KMT2D: variants seen among roughly 807,000 people sequenced by gnomAD.
The protein encoded by KMT2D is histone-lysine N-methyltransferase 2D.
In KMT2D, 55 loss-of-function variants were observed where a neutral mutation model predicts 512.7. That is an observed-to-expected ratio of 0.11 (90% CI 0.09 to 0.13). The LOEUF is 0.13. KMT2D is among the 10% of genes least tolerant of loss of function. The pLI, the probability that KMT2D is intolerant of heterozygous loss-of-function variation, is 1.00. For missense variants in KMT2D, 6,061 were observed against 7,127.9 expected (o/e 0.85, Z 5.39); for synonymous variants, 2,995 against 2,904.0 (o/e 1.03, Z -1.01).
chr12:49,046,024 C>A lies in KMT2D; in HGVS notation c.4693+41G>T. 6.2e-7 allele frequency: 1 copy of A among 1,612,442 alleles called. No homozygotes were observed. ...AGGTCCTGTCCCAAAGCAAGGTACC[C>A]CTGCTCTGACTCCTCCCCCTACCCA... On this transcript the variant is annotated intron_variant, in intron 18 of 54. Transcript: ENST00000301067. This position sits in a 1 kb window ranked among gnomAD's most constrained non-coding sequence, Gnocchi z 4.2.
chr12:49,039,846 C>T lies in KMT2D; in HGVS notation c.7924G>A (p.Val2642Ile), dbSNP rs2120518000. The T allele has an allele frequency of 1.9e-6, 3 of 1,614,050 alleles. No individual in the cohort carries two copies. The highest frequency in any genetic ancestry group is 2.5e-6 in the Non-Finnish European group (3 of 1,179,896). The change falls in exon 32 of 55, where the codon GTC (valine) becomes ATC (isoleucine). Residue 2642 changes from valine to isoleucine, a missense_variant. Physicochemically the swap from Val to Ile is conservative, Grantham distance 29. Coordinates refer to ENST00000301067, the MANE Select transcript of KMT2D (RefSeq NM_003482.4). The surrounding 1 kb of genome is among the most constrained non-coding windows in gnomAD (Gnocchi z 5.0). ...GTCCCTGGGTCTTCTCGCTTTTCGA[C>T]AGGAGAGGTGATGCCTGATCGCTGT... ...ASQRSGITSP[V>I]EKREDPGTGM... is the part of the protein sequence containing the mutation.
In KMT2D at chr12:49,033,761, C is replaced by G. The variant is rs375785266; in HGVS notation, c.10944G>C (p.Pro3648=). 4.3e-6 allele frequency: 7 copies of G among 1,611,604 alleles called. No individual in the cohort carries two copies. The highest frequency in any genetic ancestry group is 5.9e-6 in the Non-Finnish European group (7 of 1,179,102). ...GHGLQPPQGP[P]GGQAGGLRLT... ...GGCGAAGACCTCCGGCTTGCCCACC[C>G]GGAGGCCCCTGTGGTGGCTGCAGCC... Residue 3648 remains proline, a synonymous_variant, in exon 40 of 55, where the codon CCG becomes CCC. Coordinates refer to ENST00000301067, the MANE Select transcript of KMT2D (RefSeq NM_003482.4).
In KMT2D at chr12:49,024,978, G is replaced by C. The variant is rs1230179022; in HGVS notation, c.15785-32C>G. 3 of 1,570,134 alleles carry C rather than the reference G, an allele frequency of 1.9e-6. No individual in the cohort carries two copies. Among genetic ancestry groups the C allele is most frequent in the Non-Finnish European group, 2.6e-6 (3 of 1,157,258 alleles). ...AGCAGGGAAGAGAGCAGTCCTCAGA[G>C]GCAACTTCTGCTCACTGACCTCCAG... On this transcript the variant is annotated intron_variant, in intron 49 of 54. Coordinates refer to ENST00000301067, the MANE Select transcript of KMT2D (RefSeq NM_003482.4). This position sits in a 1 kb window ranked among gnomAD's most constrained non-coding sequence, Gnocchi z 4.5.
rs531141199 is a variant in KMT2D, at chr12:49,019,804, A to C, written c.*1976T>G. ...CAGTTGAGGAAGCAGCTTTAAAAAA[A>C]AAAAATCTCCCTACCCCCAACAATC... On this transcript the variant is annotated 3_prime_UTR_variant, in exon 55 of 55. Transcript: ENST00000301067. 2.2e-5 allele frequency: 5 copies of C among 232,126 alleles called. No homozygotes were observed. Among genetic ancestry groups the C allele is most frequent in the Non-Finnish European group, 4.3e-5 (5 of 117,122 alleles). 14.4% of individuals were successfully genotyped at this position (232,126 alleles called of 1,614,324 possible).
At chr12:49,036,795 T>G (rs1347115292) in intron 35 of KMT2D, among the ~76,000 whole-genome samples, 2 of 152,186 alleles carry the variant, frequency 1.3e-5, no homozygotes, top group African/African-American at 4.8e-5. Context: ...CCATTGTGCC[T>G]GGCCTCAACT....
chr12:49,020,206 T>G lies in KMT2D; in HGVS notation c.*1574A>C, dbSNP rs1192231504. The G allele has an allele frequency of 5.7e-6, 1 of 175,584 alleles. No individual in the cohort carries two copies. The highest frequency in any genetic ancestry group is 1.2e-5 in the Non-Finnish European group (1 of 81,620). The allele number at this position is 175,584 out of a possible 1,614,324, so 10.9% of individuals were successfully genotyped here. A position where few individuals can be genotyped will look rare whatever the true frequency, so the allele number is the denominator to read the frequency against. On this transcript the variant is annotated 3_prime_UTR_variant, in exon 55 of 55. Coordinates refer to ENST00000301067, the MANE Select transcript of KMT2D (RefSeq NM_003482.4). ...GGGGTCAGCTCTCTTTTGTGCGTTATAACATAGTCCAACTATACAACAGGG... is the reference window on the plus strand; with the variant it reads ...GGGGTCAGCTCTCTTTTGTGCGTTAGAACATAGTCCAACTATACAACAGGG...
Position 49,054,896 on chromosome 12 carries a change from C to G in KMT2D, c.176+4G>C. On this transcript the variant is annotated splice_donor_region_variant and intron_variant, in intron 3 of 54. Transcript: ENST00000301067. This position sits in a 1 kb window ranked among gnomAD's most constrained non-coding sequence, Gnocchi z 6.4. The stretch of plus-strand genomic sequence containing the variant: ...AAATCCTCATGTGCCCTCAAACAAG[C>G]TACCTGCAGTCCTGAGGAGTCTCCT... 6.2e-7 allele frequency: 1 copy of G among 1,612,304 alleles called. No individual in the cohort carries two copies. The highest frequency in any genetic ancestry group is 1.1e-5 in the South Asian group (1 of 90,976).
chr12:49,034,818 A>G lies in KMT2D; in HGVS notation c.10349T>C (p.Met3450Thr). ...TTCCAGCCCTGAGTCTTACCTGTTCATACCAGGTGCCACCCCAATGCTGCC... is the reference window on the plus strand; with the variant it reads ...TTCCAGCCCTGAGTCTTACCTGTTCGTACCAGGTGCCACCCCAATGCTGCC... ...AQGSIGVAPGMNRQQVSLLAQ... is the reference protein window; with the variant it reads ...AQGSIGVAPGTNRQQVSLLAQ... Residue 3450 changes from methionine to threonine, a missense_variant, in exon 36 of 55, where the codon ATG becomes ACG. This residue lies in a region of KMT2D where 533 missense variants were observed against 539.6 expected (regional missense o/e 0.99). Coordinates refer to ENST00000301067, the MANE Select transcript of KMT2D (RefSeq NM_003482.4). The G allele has an allele frequency of 6.2e-7, 1 of 1,613,996 alleles. No homozygotes were observed. Among genetic ancestry groups the G allele is most frequent in the East Asian group, 2.2e-5 (1 of 44,884 alleles).
chr12:49,050,810 A>G lies in KMT2D; in HGVS notation c.2798-20T>C, dbSNP rs766545106. 1 of 1,590,282 alleles carries G rather than the reference A, an allele frequency of 6.3e-7. No homozygotes were observed. Among genetic ancestry groups the G allele is most frequent in the Non-Finnish European group, 8.6e-7 (1 of 1,164,890 alleles). On this transcript the variant is annotated intron_variant, in intron 11 of 54. Transcript: ENST00000301067. ...GGGGATCTGGAAGGAAAGAGAAAAA[A>G]GAAGGGCTCTTAGATTAGATGTGCC... is the stretch of plus-strand genomic sequence containing the variant.
rs2120696683 is a variant in KMT2D at position 49,053,499 on chromosome 12, T to C, written c.816A>G (p.Glu272=). The C allele has an allele frequency of 6.2e-7, 1 of 1,609,976 alleles. No homozygotes were observed. The highest frequency in any genetic ancestry group is 8.5e-7 in the Non-Finnish European group (1 of 1,177,992). The part of the protein sequence containing the change: ...ARKRAGWQCP[E]CKVCQACRKP... Reference sequence around the variant, plus strand: ...ACCTGCAGGCTTGGCACACTTTGCATTCAGGGCACTGCCAGCCAGCACGTT... The same window carrying C: ...ACCTGCAGGCTTGGCACACTTTGCACTCAGGGCACTGCCAGCCAGCACGTT... Residue 272 remains glutamate (E), a synonymous_variant, in exon 7 of 55, where the codon GAA becomes GAG. Coordinates refer to ENST00000301067, the MANE Select transcript of KMT2D (RefSeq NM_003482.4).
Position 49,051,026 on chromosome 12 carries a change from G to C in KMT2D, c.2657C>G (p.Pro886Arg), listed in dbSNP as rs587783709. ...CAAGGGAGATAAGGATGGTTCCCCA[G>C]GGGGAGGGAACAAGGGCAGCTCCTC... ...APEELPLFPP[P>R]GEPSLSPLLG... Residue 886 changes from proline to arginine, a missense_variant, in exon 11 of 55, where the codon CCT (proline) becomes CGT (arginine). Physicochemically the swap from Pro to Arg is moderately radical, Grantham distance 103. Transcript: ENST00000301067. 1 of 1,557,658 alleles carries C rather than the reference G, an allele frequency of 6.4e-7. No homozygotes were observed. The highest frequency in any genetic ancestry group is 1.4e-5 in the African/African-American group (1 of 73,064).
rs760670429 is a variant in KMT2D at position 49,053,979 on chromosome 12, C to G, written c.672G>C (p.Leu224=). The G allele has an allele frequency of 1.5e-5, 25 of 1,612,946 alleles. No individual in the cohort carries two copies. The East Asian group carries it at 5.1e-4, about 33-fold the overall frequency. Residue 224 remains leucine (L), a splice_region_variant and synonymous_variant, in exon 6 of 55, where the codon CTG becomes CTC. Transcript: ENST00000301067. ...CPEHSEGAAY[L]EEARCAVCEG... ...TGACCAAAGATCAGGACTTCTCACC[C>G]AGATATGCAGCCCCCTCACTGTGCT... is the stretch of plus-strand genomic sequence containing the variant.
Position 49,022,509 on chromosome 12 carries a change from G to T in KMT2D, c.16338+81C>A, listed in dbSNP as rs2137705652. On this transcript the variant is annotated intron_variant, in intron 52 of 54. Coordinates refer to ENST00000301067, the MANE Select transcript of KMT2D (RefSeq NM_003482.4). The surrounding 1 kb of genome is among the most constrained non-coding windows in gnomAD (Gnocchi z 8.6). ...TTCTCCCCACCACAGCTTTCCTCCT[G>T]CTCTCCTGTGACCAATCCTGCCCTT... The T allele has an allele frequency of 6.5e-7, 1 of 1,550,210 alleles. No individual in the cohort carries two copies. Among genetic ancestry groups the T allele is most frequent in the Non-Finnish European group, 8.8e-7 (1 of 1,135,608 alleles).
In KMT2D at chr12:49,041,095, T is replaced by C. The variant is rs780644840; in HGVS notation, c.6675A>G (p.Glu2225=). ...GGGTGCCAGGTGGGGTAGTGTGGAA[T>C]TCCCCTGGCTGGCCAGCCCCAGGAC... ...SSRPGAGQPG[E]FHTTPPGTPR... The change falls in exon 32 of 55, where the codon GAA becomes GAG. Residue 2225 remains glutamate (E), a synonymous_variant. Transcript: ENST00000301067. This position sits in a 1 kb window ranked among gnomAD's most constrained non-coding sequence, Gnocchi z 5.4. The C allele has an allele frequency of 2.0e-6, 3 of 1,531,870 alleles. No homozygotes were observed. The highest frequency in any genetic ancestry group is 2.3e-5 in the East Asian group (1 of 44,294). The allele number at this position is 1,531,870 out of a possible 1,614,324, so 94.9% of individuals were successfully genotyped here.
At position 49,028,928 on chromosome 12, in the gene KMT2D, A is replaced by T. The variant is rs2120387973; in HGVS notation, c.14282T>A (p.Leu4761His). The T allele has an allele frequency of 6.2e-7, 1 of 1,613,998 alleles. No individual in the cohort carries two copies. The highest frequency in any genetic ancestry group is 8.5e-7 in the Non-Finnish European group (1 of 1,179,880). ...CAGCTTTCCAGGGACCTCCAGGCCA[A>T]GGGCCCCATAAGGTTTGGTATCTGG... Reference protein sequence around the residue: ...VFPDTKPYGALGLEVPGKLPV... With the variant: ...VFPDTKPYGAHGLEVPGKLPV... Residue 4761 changes from leucine to histidine, a missense_variant, in exon 46 of 55, where the codon CTT becomes CAT. Transcript: ENST00000301067.
In KMT2D at chr12:49,042,218, C is replaced by T. The variant is rs750877938; in HGVS notation, c.5980G>A (p.Asp1994Asn). The T allele has an allele frequency of 8.1e-6, 13 of 1,601,430 alleles. No homozygotes were observed. Among genetic ancestry groups the T allele is most frequent in the South Asian group, 1.1e-5 (1 of 88,730 alleles). ...CTCCGCTGGTTATAGGAGAGTCCGT[C>T]GCCCTCACCCTCCGTGGTGGGGGTT... ...PTTPTTEGEG[D>N]GLSYNQRSLQ... Residue 1994 changes from aspartate (D) to asparagine (N), a missense_variant, in exon 29 of 55, where the codon GAC becomes AAC. Physicochemically the swap from Asp to Asn is conservative, Grantham distance 23 (BLOSUM62 1). Transcript: ENST00000301067. This position sits in a 1 kb window ranked among gnomAD's most constrained non-coding sequence, Gnocchi z 4.4.
Position 49,052,151 on chromosome 12 carries a change from G to C in KMT2D, c.1532C>G (p.Pro511Arg), listed in dbSNP as rs778234980. The change falls in exon 11 of 55, where the codon CCT becomes CGT. Residue 511 changes from proline (P) to arginine (R), a missense_variant. Physicochemically the swap from Pro to Arg is moderately radical, Grantham distance 103. Around this residue, in one of 16 missense-constraint regions of KMT2D, gnomAD observed 848 missense variants for 838.5 expected, o/e 1.01. Coordinates refer to ENST00000301067, the MANE Select transcript of KMT2D (RefSeq NM_003482.4). ...SPLSPPPESS[P>R]FSPLEESPLS... ...GGGCGACTCCTCCAGTGGAGAAAAA[G>C]GTGATGATTCAGGTGGGGGAGACAG... The C allele has an allele frequency of 4.3e-6, 7 of 1,613,162 alleles. No individual in the cohort carries two copies. Among genetic ancestry groups the C allele is most frequent in the Non-Finnish European group, 5.9e-6 (7 of 1,179,642 alleles).
chr12:49,051,748 G>C lies in KMT2D; in HGVS notation c.1935C>G (p.Ser645=), dbSNP rs752070256. 3.9e-6 allele frequency: 6 copies of C among 1,544,780 alleles called. No homozygotes were observed. The highest frequency in any genetic ancestry group is 1.4e-5 in the African/African-American group (1 of 71,952). The change falls in exon 11 of 55, where the codon TCC becomes TCG. Residue 645 remains serine (S), a synonymous_variant. Transcript: ENST00000301067. ...ATAGGCGCGATACCTCAGGTGGGGG[G>C]GACATAGGTGATTCTTCAGGTGGTG... ...MSPPPEESPM[S]PPPEVSRLSP...
rs398123717 is a variant in KMT2D at position 49,030,977 on chromosome 12, G to T, written c.13587C>A (p.Ser4529Arg). The change falls in exon 41 of 55, where the codon AGC (serine) becomes AGA (arginine). Residue 4529 changes from serine (S) to arginine (R), a missense_variant. Around this residue, in one of 16 missense-constraint regions of KMT2D, gnomAD observed 1,600 missense variants for 1,754.9 expected, o/e 0.91. Coordinates refer to ENST00000301067, the MANE Select transcript of KMT2D (RefSeq NM_003482.4). ...TPKPKRVQKA[S>R]DRLVSSRKKL... ...TCTTTCGGGAGCTCACCAACCTGTCGCTTGCCTTCTGTACCCGCTTGGGCT... is the reference window on the plus strand; with the variant it reads ...TCTTTCGGGAGCTCACCAACCTGTCTCTTGCCTTCTGTACCCGCTTGGGCT... 1.9e-6 allele frequency: 3 copies of T among 1,613,796 alleles called. No homozygotes were observed. The highest frequency in any genetic ancestry group is 2.5e-6 in the Non-Finnish European group (3 of 1,179,878).
Sources: allele counts gnomAD v4.1 joint callset (sites outside exome capture counted in the v4.1 genomes callset), GRCh38; gene constraint gnomAD v4.1.1; regional missense constraint gnomAD v4.1.1; non-coding constraint Gnocchi (gnomAD v3.1); transcripts MANE v1.5; gene names NCBI Gene and HGNC (gene_info 2026-07-23, HGNC 2026-07-21).